The following TXNL4A variants were observed in gnomAD, a reference collection of about 807,000 sequenced individuals.
TXNL4A encodes the protein thioredoxin-like protein 4A.
TXNL4A carries 17 observed loss-of-function variants against 14.6 expected under a neutral mutation model. The ratio of observed to expected loss-of-function variants is 1.16; its 90% CI spans 0.80 to 1.74. TXNL4A has a LOEUF of 1.74. Among genes scored for constraint, TXNL4A ranks in the 40% most tolerant of loss-of-function variants. The pLI is 0.00. For synonymous variants in TXNL4A, 83 were observed against 70.6 expected, an observed-to-expected ratio of 1.18 and a Z score of -0.88; for missense variants, 74 against 195.2, an observed-to-expected ratio of 0.38 and a Z score of 3.70.
chr18:79,981,522 AT>A (rs1393816186), intron 1 of TXNL4A, among the ~76,000 whole-genome samples: 1 of 151,844 alleles, frequency 6.6e-6, no homozygotes, highest in African/African-American at 2.4e-5. Flanking sequence ...AAACACAAAA[AT>A]TAGCTGGGTG....
At chr18:79,981,900 C>T (rs1259075794) in intron 1 of TXNL4A, among the ~76,000 whole-genome samples, 1 of 152,222 alleles carries the variant, frequency 6.6e-6, no homozygotes, top group African/African-American at 2.4e-5. Context: ...ATGTATGAGG[C>T]ACTTTTCACT....
intron 2 of TXNL4A, chr18:79,977,385 G>C: frequency 1.9e-6 from 1 of 539,344 alleles, no homozygotes; most frequent in South Asian, 2.8e-5. Flanking sequence ...ATTTCAAAAG[G>C]GTAATTTGTT....
Position 79,977,639 on chromosome 18 carries a change from C to A in TXNL4A, c.216G>T (p.Met72Ile). 6.2e-7 allele frequency: 1 copy of A among 1,612,722 alleles called. No individual in the cohort carries two copies. The highest frequency in any genetic ancestry group is 8.5e-7 in the Non-Finnish European group (1 of 1,179,578). Reference protein sequence around the residue: ...DITEVPDFNKMYELYDPCTVM... With the variant: ...DITEVPDFNKIYELYDPCTVM... The stretch of plus-strand genomic sequence containing the variant: ...CAGTACATGGATCGTATAACTCATA[C>A]ATTTTGTTGAAGTCAGGCACTTCTG... Residue 72 changes from methionine (M) to isoleucine (I), a missense_variant, in exon 2 of 3, where the codon ATG (methionine) becomes ATT (isoleucine). Transcript: ENST00000269601.
rs377583001 is a variant in TXNL4A at position 79,988,220 on chromosome 18, G to C, written c.153+20C>G. 3.9e-5 allele frequency: 59 copies of C among 1,500,988 alleles called. No homozygotes were observed. The African/African-American group carries it at 7.3e-4, about 18-fold the overall frequency. 93.0% of individuals were successfully genotyped at this position (1,500,988 alleles called of 1,614,324 possible). On this transcript the variant is annotated intron_variant, in intron 1 of 2. Coordinates refer to ENST00000269601, the MANE Select transcript of TXNL4A (RefSeq NM_006701.5). The stretch of plus-strand genomic sequence containing the variant: ...GATGCGGAAGCACAGCCCGCAGAGC[G>C]GGAGAGTCCGGCGCGCTACCTTCTC...
chr18:79,988,332 C>A lies in TXNL4A; in HGVS notation c.61G>T (p.Glu21Ter). 6.3e-7 allele frequency: 1 copy of A among 1,588,776 alleles called. No individual in the cohort carries two copies. The highest frequency in any genetic ancestry group is 8.6e-7 in the Non-Finnish European group (1 of 1,167,214). Residue 21 changes from glutamate to a stop codon, truncating the protein, a stop_gained, in exon 1 of 3, where the codon GAG becomes TAG. Transcript: ENST00000269601. LOFTEE classifies it high-confidence loss of function. ...GWQVDQAILS[E>*]EDRVVVIRFG... is the part of the protein sequence containing the mutation. ...CGGATGACGACCACGCGGTCCTCCTCCGAGAGGATGGCCTGGTCCACCTGC... is the reference window on the plus strand; with the variant it reads ...CGGATGACGACCACGCGGTCCTCCTACGAGAGGATGGCCTGGTCCACCTGC...
chr18:80,013,122 A>ATT (rs35502760), intron 1 of TXNL4A, among the ~76,000 whole-genome samples: 1,443 of 96,124 alleles, frequency 0.015, 23 homozygotes, highest in South Asian at 0.046. Context: ...AAAAAAAAAA[A>ATT]TTTTTTTTTT....
chr18:80,005,771 C>T (rs546408602), intron 1 of TXNL4A, among the ~76,000 whole-genome samples: 117 of 152,028 alleles, frequency 7.7e-4, no homozygotes, highest in Non-Finnish European at 1.3e-3. Flanking sequence ...AAGAATTAGC[C>T]AGCATGATGG....
At chr18:79,978,152 C>G (rs1368254910) in intron 1 of TXNL4A, among the ~76,000 whole-genome samples, 1 of 152,142 alleles carries the variant, frequency 6.6e-6, no homozygotes, top group Non-Finnish European at 1.5e-5. Context: ...CTCCCAGAAT[C>G]GCCCAGGAAT....
At position 80,011,947 on chromosome 18, in the gene TXNL4A, T is replaced by C. The variant is rs761499874; in HGVS notation, c.-61+21904A>G. ...TTATTGAGTGACTAACGAGTTCTCCTTCACTGATTAATCCTTTTCCTCATC... is the reference window on the plus strand; with the variant it reads ...TTATTGAGTGACTAACGAGTTCTCCCTCACTGATTAATCCTTTTCCTCATC... On this transcript the variant is annotated intron_variant, in intron 1 of 2. Transcript: ENST00000585474. The surrounding 1 kb of genome is among the most constrained non-coding windows in gnomAD (Gnocchi z 4.1). 7.9e-5 allele frequency among the ~76,000 whole-genome samples: 12 copies of C among 152,118 alleles called. No homozygotes were observed. The highest frequency in any genetic ancestry group is 1.2e-4 in the Non-Finnish European group (8 of 68,016).
intron 1 of TXNL4A, chr18:79,986,634 G>C: frequency 1.4e-5 from 14 of 985,416 alleles, no homozygotes; most frequent in Non-Finnish European, 1.7e-5. Flanking sequence ...CTAGCTAAGA[G>C]CATCTTGCTG....
intron 1 of TXNL4A, among the ~76,000 whole-genome samples, chr18:80,028,985 G>A (rs749923825): frequency 2.0e-5 from 3 of 152,186 alleles, no homozygotes; most frequent in Admixed American, 6.5e-5. Context: ...CAGCACCCGA[G>A]CCACCAGCCC....
intron 2 of TXNL4A, among the ~76,000 whole-genome samples, chr18:79,976,136 C>G (rs1186446640): frequency 1.3e-5 from 2 of 152,180 alleles, no homozygotes; most frequent in Non-Finnish European, 2.9e-5. Context: ...CAGTGCCTCA[C>G]GCTTTGGCAG....
chr18:80,023,466 A>T (rs972639559), intron 1 of TXNL4A, among the ~76,000 whole-genome samples: 1 of 152,192 alleles, frequency 6.6e-6, no homozygotes, highest in African/African-American at 2.4e-5. Flanking sequence ...TCCAGGCAAA[A>T]GTTAGAGAGG....
chr18:80,026,272 A>G (rs1190450364), intron 1 of TXNL4A, among the ~76,000 whole-genome samples: 7 of 152,238 alleles, frequency 4.6e-5, no homozygotes, highest in Non-Finnish European at 8.8e-5. Context: ...TAAAGCAATT[A>G]ACTTCAAAAC....
At chr18:80,014,174 C>T (rs1035422056) in intron 1 of TXNL4A, among the ~76,000 whole-genome samples, 10 of 152,156 alleles carry the variant, frequency 6.6e-5, no homozygotes, top group Middle Eastern at 3.4e-3. Context: ...CATTCTTCCC[C>T]GGCCCCTCCA....
At chr18:80,008,369 C>T (rs1040948671) in intron 1 of TXNL4A, among the ~76,000 whole-genome samples, 3 of 152,154 alleles carry the variant, frequency 2.0e-5, no homozygotes, top group Non-Finnish European at 4.4e-5. Flanking sequence ...TGGGGAAGTG[C>T]CCCTGCCATC....
chr18:79,983,943 C>T (rs551056050), intron 1 of TXNL4A, among the ~76,000 whole-genome samples: 2 of 152,212 alleles, frequency 1.3e-5, no homozygotes, highest in East Asian at 1.9e-4. Flanking sequence ...CCTCAACCGC[C>T]GCTCAACACC....
In TXNL4A at chr18:80,003,074, T is replaced by C. The variant is rs578224770; in HGVS notation, c.-60-25373A>G. Among the ~76,000 whole-genome samples, 8 of 152,378 alleles carry C rather than the reference T, an allele frequency of 5.3e-5. No homozygotes were observed. The East Asian group carries it at 1.2e-3, about 22-fold the overall frequency. On this transcript the variant is annotated intron_variant, in intron 1 of 2. Coordinates refer to the TXNL4A transcript ENST00000585474. ...AGCTGTCCTGGGAGATGGGTGTGTC[T>C]GTCCAGCTTCAGCCTGGCCAAGCTT...
chr18:79,987,946 A>G lies in TXNL4A; in HGVS notation c.153+294T>C, dbSNP rs539722465. Among the ~76,000 whole-genome samples the G allele has an allele frequency of 7.9e-5, 12 of 152,408 alleles. No individual in the cohort carries two copies. In the East Asian group the frequency reaches 1.9e-3, roughly 24 times the overall value. On this transcript the variant is annotated intron_variant, in intron 1 of 2. Transcript: ENST00000269601. ...GCAAGTGCATTTTGTTCACTGAACTATAAGTTTGGGAAAAACGCCTTATCA... is the reference window on the plus strand; with the variant it reads ...GCAAGTGCATTTTGTTCACTGAACTGTAAGTTTGGGAAAAACGCCTTATCA...
Sources: allele counts gnomAD v4.1 joint callset (sites outside exome capture counted in the v4.1 genomes callset), GRCh38; gene constraint gnomAD v4.1.1; non-coding constraint Gnocchi (gnomAD v3.1); transcripts MANE v1.5; gene names NCBI Gene and HGNC (gene_info 2026-07-23, HGNC 2026-07-21).